PRELID2: variants seen among roughly 807,000 people sequenced by gnomAD.
PRELID2 encodes the protein PRELI domain containing 2, also known as PRELI domain-containing protein 2.
PRELID2 carries 25 observed loss-of-function variants against 28.4 expected under a neutral mutation model. The observed-to-expected ratio is 0.88, with a 90% CI of 0.64 to 1.23. PRELID2 has a LOEUF of 1.23. Ranked by LOEUF, PRELID2 falls within the 50% of genes most tolerant of loss-of-function variation. The probability of loss-of-function intolerance (pLI) is 0.00; values close to 1 mark genes in which losing one functional copy is unlikely to be tolerated. For missense variants in PRELID2, 201 were observed against 214.4 expected (o/e 0.94, Z 0.39); for synonymous variants, 76 against 71.6 (o/e 1.06, Z -0.31).
At chr5:145,560,799 A>C (rs2126692435) in intron 1 of PRELID2, among the ~76,000 whole-genome samples, 1 of 152,336 alleles carries the variant, frequency 6.6e-6, no homozygotes, top group East Asian at 1.9e-4. Flanking sequence ...CTGTACCAAA[A>C]TGCCTCTCTT....
intron 1 of PRELID2, among the ~76,000 whole-genome samples, chr5:145,551,456 T>C (rs1561504580): frequency 6.6e-6 from 1 of 151,864 alleles, no homozygotes; most frequent in Non-Finnish European, 1.5e-5. Flanking sequence ...TTAACAACTA[T>C]TAGAAAAACT....
chr5:145,706,558 T>A (rs1368586541), intron 1 of PRELID2, among the ~76,000 whole-genome samples: 1 of 152,086 alleles, frequency 6.6e-6, no homozygotes, highest in South Asian at 2.1e-4. Flanking sequence ...ATGAACTTCA[T>A]AGGGGAAATA....
the PRELID2 span, among the ~76,000 whole-genome samples, chr5:145,286,715 T>G: frequency 3.1e-5 from 2 of 64,952 alleles, no homozygotes; most frequent in South Asian, 3.3e-4. Flanking sequence ...TTTTTTTGTT[T>G]GTTTGTTTGT....
chr5:145,823,006 C>A (rs144568753), intron 2 of PRELID2, 71 bp downstream of exon 2: 7 of 847,224 alleles, frequency 8.3e-6, no homozygotes, highest in South Asian at 1.4e-5. Context: ...CACACACACA[C>A]GTACACACAT....
chr5:145,835,219 G>A lies in PRELID2; in HGVS notation c.33C>T (p.Tyr11=). MGVSVDVHQV[Y]KYPFEQVVAS... ...CGACCACCTGCTCGAAGGGGTACTT[G>A]TACACCTGGTGCACATCCACCGAGA... The change falls in exon 1 of 7, where the codon TAC becomes TAT. Residue 11 remains tyrosine (Y), a synonymous_variant. Transcript: ENST00000683046. 1 of 1,549,558 alleles carries A rather than the reference G, an allele frequency of 6.5e-7. No homozygotes were observed. Among genetic ancestry groups the A allele is most frequent in the Non-Finnish European group, 8.7e-7 (1 of 1,146,074 alleles).
chr5:145,494,571 G>A (rs1752293153), intron 1 of PRELID2, among the ~76,000 whole-genome samples: 1 of 151,802 alleles, frequency 6.6e-6, no homozygotes, highest in South Asian at 2.1e-4. Flanking sequence ...AAGTAATAAG[G>A]GAGTTCCCTC....
chr5:145,269,171 T>C, the PRELID2 span, among the ~76,000 whole-genome samples: 6,408 of 152,210 alleles, frequency 0.042, 430 homozygotes, highest in African/African-American at 0.14. Flanking sequence ...TATTACAAGC[T>C]GACTGTAGAA....
chr5:145,290,288 GA>G, the PRELID2 span, among the ~76,000 whole-genome samples: 1 of 152,098 alleles, frequency 6.6e-6, no homozygotes, highest in African/African-American at 2.4e-5. Context: ...CTGCTATAAA[GA>G]CATATGCACA....
the PRELID2 span, among the ~76,000 whole-genome samples, chr5:145,357,418 A>C: frequency 6.6e-6 from 1 of 152,292 alleles, no homozygotes; most frequent in East Asian, 1.9e-4. Context: ...CATATTTCTC[A>C]GAAGTTTTAT....
intron 1 of PRELID2, among the ~76,000 whole-genome samples, chr5:145,698,907 A>AGTAGAG (rs950380190): frequency 3.3e-5 from 5 of 152,028 alleles, no homozygotes; most frequent in Admixed American, 2.6e-4. Flanking sequence ...TTTTAGTTTT[A>AGTAGAG]GTAGAGACGA....
At chr5:145,334,769 C>G in the PRELID2 span, among the ~76,000 whole-genome samples, 1 of 135,532 alleles carries the variant, frequency 7.4e-6, no homozygotes, top group East Asian at 2.2e-4. Flanking sequence ...TCTTGTTTGT[C>G]AGTTTTTTTT....
the PRELID2 span, among the ~76,000 whole-genome samples, chr5:145,384,798 T>C: frequency 6.6e-6 from 1 of 152,062 alleles, no homozygotes; most frequent in East Asian, 1.9e-4. Flanking sequence ...GGAGGTGCCA[T>C]ACATTTTAAA....
chr5:145,737,426 T>TTAA (rs398109507), intron 1 of PRELID2, among the ~76,000 whole-genome samples: 1 of 146,396 alleles, frequency 6.8e-6, no homozygotes, highest in South Asian at 2.2e-4. Context: ...GTTATTTATT[T>TTAA]AAAAAAAAAA....
At chr5:145,516,737 A>G (rs1180087528) in intron 1 of PRELID2, among the ~76,000 whole-genome samples, 1 of 152,308 alleles carries the variant, frequency 6.6e-6, no homozygotes, top group East Asian at 1.9e-4. Context: ...ATGTTAAACT[A>G]TACTACAAGG....
chr5:145,370,999 G>A, the PRELID2 span, among the ~76,000 whole-genome samples: 15 of 152,058 alleles, frequency 9.9e-5, no homozygotes, highest in Non-Finnish European at 2.1e-4. Flanking sequence ...TTGCTTACCA[G>A]TTTAAGGAGT....
the PRELID2 span, among the ~76,000 whole-genome samples, chr5:145,462,116 ATCAAG>A: frequency 2.6e-5 from 4 of 152,206 alleles, no homozygotes; most frequent in Admixed American, 2.6e-4. Context: ...TAGCATCGTT[ATCAAG>A]GATTGGATGA....
chr5:145,508,684 TA>T (rs1657103244), intron 1 of PRELID2, among the ~76,000 whole-genome samples: 1 of 152,198 alleles, frequency 6.6e-6, no homozygotes, highest in Non-Finnish European at 1.5e-5. Flanking sequence ...CACTTGCTCC[TA>T]AATCAGAGAC....
intron 5 of PRELID2, among the ~76,000 whole-genome samples, chr5:145,791,664 C>T (rs138350809): frequency 3.6e-4 from 55 of 152,200 alleles, no homozygotes; most frequent in African/African-American, 1.3e-3. Context: ...GTGACGGCTG[C>T]ACAACAATGT....
chr5:145,338,951 A>G, the PRELID2 span, among the ~76,000 whole-genome samples: 1 of 152,210 alleles, frequency 6.6e-6, no homozygotes, highest in Non-Finnish European at 1.5e-5. Context: ...GTAGATACTA[A>G]TTTTAGTCAT....
Sources: gnomAD v4.1 joint callset for allele counts (sites outside exome capture counted in the v4.1 genomes callset) on GRCh38, gnomAD v4.1.1 for gene constraint, MANE v1.5 for transcripts, NCBI Gene and HGNC (gene_info 2026-07-23, HGNC 2026-07-21) for gene names.